The following RAD50 variants were observed in gnomAD, a reference collection of about 807,000 sequenced individuals.
RAD50 encodes RAD50 double strand break repair protein.
A neutral mutation model predicts 168.8 loss-of-function variants in RAD50; 132 were observed. The observed-to-expected ratio is 0.78, with a 90% confidence interval of 0.68 to 0.90. The LOEUF is 0.90. Among genes scored for constraint, RAD50 ranks in the 40% least tolerant of loss-of-function variants. The pLI, the probability that RAD50 is intolerant of heterozygous loss-of-function variation, is 0.00. For missense variants in RAD50, 1,347 were observed against 1,534.4 expected (o/e 0.88, Z 2.04); for synonymous variants, 525 against 497.4 (o/e 1.06, Z -0.74).
chr5:132,629,375 A>C (rs1455359112), intron 21 of RAD50, among the ~76,000 whole-genome samples: 1 of 152,122 alleles, frequency 6.6e-6, no homozygotes, highest in Non-Finnish European at 1.5e-5. Context: ...TTCAGCAGAG[A>C]AAAGTGCCTC....
At chr5:132,593,890 G>A (rs1224282390) in intron 11 of RAD50, among the ~76,000 whole-genome samples, 1 of 152,176 alleles carries the variant, frequency 6.6e-6, no homozygotes, top group Non-Finnish European at 1.5e-5. Flanking sequence ...GATGTGCCCA[G>A]GGAACCAGGG....
intron 21 of RAD50, among the ~76,000 whole-genome samples, chr5:132,628,980 G>A (rs1581015079): frequency 6.6e-6 from 1 of 152,122 alleles, no homozygotes; most frequent in East Asian, 1.9e-4. Context: ...TAGGCAGGTT[G>A]GTTTTGTTTT....
chr5:132,561,017 A>G (rs745525542), intron 2 of RAD50, among the ~76,000 whole-genome samples: 4 of 152,170 alleles, frequency 2.6e-5, no homozygotes, highest in South Asian at 2.1e-4. Context: ...AATAATCTCA[A>G]TGTGCCAGAT....
chr5:132,604,081 A>T lies in RAD50; in HGVS notation c.2524+35A>T, dbSNP rs761520630. On this transcript the variant is annotated intron_variant, in intron 15 of 24. Coordinates refer to ENST00000378823, the MANE Select transcript of RAD50 (RefSeq NM_005732.4). ...TCTGTGTCCTTCTGTACTCATAGAG[A>T]CTTTGACATTGCGAGCACATGCCTT... is the stretch of plus-strand genomic sequence containing the variant. 5.0e-6 allele frequency: 8 copies of T among 1,610,214 alleles called. No homozygotes were observed. The South Asian group carries it at 7.7e-5, about 16-fold the overall frequency.
chr5:132,584,569 A>G (rs935240063), intron 5 of RAD50, among the ~76,000 whole-genome samples: 9 of 152,178 alleles, frequency 5.9e-5, no homozygotes, highest in Non-Finnish European at 1.0e-4. Flanking sequence ...TAGAAATACC[A>G]TTTGACCCAG....
chr5:132,570,165 G>T (rs899173649), intron 2 of RAD50, among the ~76,000 whole-genome samples: 1 of 152,170 alleles, frequency 6.6e-6, no homozygotes, highest in Non-Finnish European at 1.5e-5. Flanking sequence ...AATCCGTTAG[G>T]TGTGGCTGAG....
intron 3 of RAD50, among the ~76,000 whole-genome samples, chr5:132,576,948 A>C (rs1431685580): frequency 6.6e-6 from 1 of 152,250 alleles, no homozygotes; most frequent in Non-Finnish European, 1.5e-5. Context: ...ATGCATATAA[A>C]ATGCTTAACA....
At chr5:132,557,479 T>A in intron 1 of RAD50, 26 bp downstream of exon 1, 1 of 1,613,744 alleles carries the variant, frequency 6.2e-7, no homozygotes, top group Non-Finnish European at 8.5e-7. Flanking sequence ...CCGCCTTCAG[T>A]TTACAGGTCG....
intron 8 of RAD50, 51 bp downstream of exon 8, chr5:132,588,931 T>G: frequency 1.9e-6 from 3 of 1,538,910 alleles, no homozygotes; most frequent in Non-Finnish European, 1.8e-6. Context: ...TCATATTCTC[T>G]ACTTGAATTG....
chr5:132,595,930 T>C, intron 13 of RAD50, 120 bp downstream of exon 13: 1 of 844,158 alleles, frequency 1.2e-6, no homozygotes, highest in Admixed American at 1.8e-5. Flanking sequence ...CCCTGTCTTA[T>C]ATCACTTCTA....
intron 23 of RAD50, 29 bp downstream of exon 23, chr5:132,638,252 A>G (rs866815311): frequency 3.1e-6 from 5 of 1,613,478 alleles, no homozygotes; most frequent in Middle Eastern, 1.7e-4. Flanking sequence ...TGGGGAGCCA[A>G]CTCACCCAAG....
chr5:132,594,323 G>T (rs986695530), intron 11 of RAD50, among the ~76,000 whole-genome samples: 1 of 152,188 alleles, frequency 6.6e-6, no homozygotes, highest in Admixed American at 6.5e-5. Context: ...CATGTTATGT[G>T]TGAGTATTGA....
At chr5:132,601,532 A>G (rs1396888489) in intron 13 of RAD50, among the ~76,000 whole-genome samples, 1 of 152,228 alleles carries the variant, frequency 6.6e-6, no homozygotes, top group East Asian at 1.9e-4. Context: ...TTTAAGGCCA[A>G]CTACTAATCT....
At chr5:132,593,316 A>AT (rs777174820) in intron 11 of RAD50, 6 of 154,002 alleles carry the variant, frequency 3.9e-5, no homozygotes, top group Non-Finnish European at 7.2e-5. Flanking sequence ...CTATTCAGAC[A>AT]TGTTATAACA....
At chr5:132,570,272 G>T (rs114000524) in intron 2 of RAD50, among the ~76,000 whole-genome samples, 2 of 152,148 alleles carry the variant, frequency 1.3e-5, no homozygotes, top group African/African-American at 2.4e-5. Context: ...AAGAAAATGG[G>T]GGGGGAAATG....
intron 2 of RAD50, among the ~76,000 whole-genome samples, chr5:132,574,320 A>C (rs542096882): frequency 6.6e-6 from 1 of 152,350 alleles, no homozygotes; most frequent in South Asian, 2.1e-4. Context: ...GGAAGCTGCC[A>C]AGGCTTCGGG....
chr5:132,637,281 G>C lies in RAD50; in HGVS notation c.3475+81G>C. 3 of 1,547,578 alleles carry C rather than the reference G, an allele frequency of 1.9e-6. No individual in the cohort carries two copies. In the South Asian group the frequency reaches 3.4e-5, roughly 18 times the overall value. ...CCCCTTATGACCTCTCATCATGCCA[G>C]CATTACCTCCCTGGACCCCTTTCTA... is the stretch of plus-strand genomic sequence containing the variant. On this transcript the variant is annotated intron_variant, in intron 22 of 24. Transcript: ENST00000378823.
chr5:132,619,836 C>CTCTCTCTA (rs1257882764), intron 21 of RAD50, among the ~76,000 whole-genome samples: 170 of 114,344 alleles, frequency 1.5e-3, no homozygotes, highest in African/African-American at 6.5e-3. Context: ...CTCTCTCTCT[C>CTCTCTCTA]TATATATATA....
chr5:132,602,150 T>A (rs1251485509), intron 13 of RAD50, among the ~76,000 whole-genome samples: 1 of 151,890 alleles, frequency 6.6e-6, no homozygotes, highest in East Asian at 1.9e-4. Flanking sequence ...AATTAAAAAA[T>A]TTTAAAAAAC....
Sources: allele counts gnomAD v4.1 joint callset (sites outside exome capture counted in the v4.1 genomes callset), GRCh38; gene constraint gnomAD v4.1.1; transcripts MANE v1.5; gene names NCBI Gene and HGNC (gene_info 2026-07-23, HGNC 2026-07-21).